The following DHRS7C variants were observed in gnomAD, a reference collection of about 807,000 sequenced individuals.
DHRS7C encodes the protein dehydrogenase/reductase 7C, also known as dehydrogenase/reductase SDR family member 7C.
DHRS7C carries 28 observed loss-of-function variants against 29.6 expected under a neutral mutation model. That is an observed-to-expected ratio of 0.95 (90% CI 0.70 to 1.30). The LOEUF is 1.30. Among genes scored for constraint, DHRS7C ranks in the 50% most tolerant of loss-of-function variants. The pLI is 0.00. For synonymous variants in DHRS7C, 158 were observed against 160.2 expected, an observed-to-expected ratio of 0.99 and a Z score of 0.10; for missense variants, 403 against 393.3, an observed-to-expected ratio of 1.02 and a Z score of -0.21.
intron 1 of DHRS7C, chr17:9,785,100 G>A (rs1462242007): frequency 1.3e-5 from 2 of 152,190 alleles, no homozygotes; most frequent in Non-Finnish European, 2.9e-5. Flanking sequence ...TAAGTTAGAT[G>A]CCAGTCCAAG....
intron 4 of DHRS7C, 49 bp from the exon 5 acceptor site, chr17:9,772,971 C>A: frequency 6.2e-7 from 1 of 1,600,428 alleles, no homozygotes; most frequent in Non-Finnish European, 8.5e-7. Context: ...CCCGGCCCTG[C>A]TTCCTGGTGG....
intron 1 of DHRS7C, among the ~76,000 whole-genome samples, chr17:9,789,614 A>G (rs1048751581): frequency 6.6e-6 from 1 of 152,160 alleles, no homozygotes; most frequent in African/African-American, 2.4e-5. Flanking sequence ...GCTGGTCCAC[A>G]AGGACCATTC....
intron 1 of DHRS7C, among the ~76,000 whole-genome samples, chr17:9,787,722 T>G (rs1375807155): frequency 2.0e-5 from 3 of 152,202 alleles, no homozygotes; most frequent in African/African-American, 7.2e-5. Context: ...TTTTAATTTT[T>G]TTGGGGACAG....
rs922904968 is a variant in DHRS7C, at chr17:9,774,935, G to C, written c.572-2013C>G. ...AAACTCTGTGCCCCTCAATTCCTCA[G>C]CTTCAGAGAAGCCAGACCATGACTG... On this transcript the variant is annotated intron_variant, in intron 4 of 5. Coordinates refer to ENST00000571134, the MANE Select transcript of DHRS7C (RefSeq NM_001105571.3). The surrounding 1 kb of genome is among the most constrained non-coding windows in gnomAD (Gnocchi z 5.0). Among the ~76,000 whole-genome samples the C allele has an allele frequency of 3.3e-5, 5 of 152,188 alleles. No individual in the cohort carries two copies. The highest frequency in any genetic ancestry group is 1.2e-4 in the African/African-American group (5 of 41,434).
intron 1 of DHRS7C, among the ~76,000 whole-genome samples, chr17:9,786,365 AATT>A (rs530485819): frequency 0.089 from 12,546 of 141,542 alleles, 714 homozygotes; most frequent in Non-Finnish European, 0.14. Flanking sequence ...TAATAATAAT[AATT>A]AATCAGAAAA....
At chr17:9,776,713 C>T (rs2066364465) in intron 4 of DHRS7C, among the ~76,000 whole-genome samples, 1 of 152,214 alleles carries the variant, frequency 6.6e-6, no homozygotes, top group African/African-American at 2.4e-5. Flanking sequence ...GAGCTGCCCC[C>T]ACCCTGAATT....
intron 4 of DHRS7C, among the ~76,000 whole-genome samples, chr17:9,773,618 A>G (rs1170638708): frequency 6.6e-6 from 1 of 151,490 alleles, no homozygotes; most frequent in Admixed American, 6.6e-5. Context: ...AGGTGGATGT[A>G]CTGTGGTTCC....
intron 2 of DHRS7C, among the ~76,000 whole-genome samples, chr17:9,781,270 C>T (rs1003464462): frequency 1.3e-5 from 2 of 152,174 alleles, no homozygotes; most frequent in South Asian, 2.1e-4. Flanking sequence ...GCTGTGGCTA[C>T]AGAACATGAT....
chr17:9,772,900 G>A lies in DHRS7C; in HGVS notation c.594C>T (p.Ala198=), dbSNP rs2066339813. 1.2e-6 allele frequency: 2 copies of A among 1,613,692 alleles called. No homozygotes were observed. Among genetic ancestry groups the A allele is most frequent in the African/African-American group, 2.7e-5 (2 of 74,884 alleles). Reference sequence around the variant, plus strand: ...CTCGGAGGCAGTCAAAGAAGCCCAGGGCTGCGTGCTTGGAGGCAGCGTCTG... The same window carrying A: ...CTCGGAGGCAGTCAAAGAAGCCCAGAGCTGCGTGCTTGGAGGCAGCGTCTG... The part of the protein sequence containing the change: ...RTTYAASKHA[A]LGFFDCLRAE... The change falls in exon 5 of 6, where the codon GCC becomes GCT. Residue 198 remains alanine, a synonymous_variant. Coordinates refer to ENST00000571134, the MANE Select transcript of DHRS7C (RefSeq NM_001105571.3).
chr17:9,772,643 C>CT, intron 5 of DHRS7C, 124 bp downstream of exon 5: 1 of 1,298,564 alleles, frequency 7.7e-7, no homozygotes, highest in Non-Finnish European at 1.0e-6. Flanking sequence ...GTTGCTGAGC[C>CT]TCCTCCACCC....
chr17:9,786,366 ATT>A (rs2066424010), intron 1 of DHRS7C, among the ~76,000 whole-genome samples: 1 of 118,822 alleles, frequency 8.4e-6, no homozygotes, highest in Non-Finnish European at 2.1e-5. Flanking sequence ...AATAATAATA[ATT>A]AATCAGAAAA....
intron 4 of DHRS7C, among the ~76,000 whole-genome samples, chr17:9,773,524 T>C (rs758180834): frequency 2.0e-5 from 3 of 152,118 alleles, no homozygotes; most frequent in Non-Finnish European, 4.4e-5. Context: ...TGCTTAGAGC[T>C]TTGGGAAGTT....
chr17:9,772,883 C>G lies in DHRS7C; in HGVS notation c.611G>C (p.Cys204Ser). The G allele has an allele frequency of 6.2e-7, 1 of 1,613,894 alleles. No individual in the cohort carries two copies. Among genetic ancestry groups the G allele is most frequent in the Non-Finnish European group, 8.5e-7 (1 of 1,179,882 alleles). Residue 204 changes from cysteine to serine, a missense_variant, in exon 5 of 6, where the codon TGC (cysteine) becomes TCC (serine). Coordinates refer to ENST00000571134, the MANE Select transcript of DHRS7C (RefSeq NM_001105571.3). The part of the protein sequence containing the change: ...SKHAALGFFD[C>S]LRAEVEEYDV... ...GTATTCCTCCACTTCGGCTCGGAGG[C>G]AGTCAAAGAAGCCCAGGGCTGCGTG...
At chr17:9,790,172 C>A (rs1360842569) in intron 1 of DHRS7C, among the ~76,000 whole-genome samples, 1 of 152,016 alleles carries the variant, frequency 6.6e-6, no homozygotes, top group African/African-American at 2.4e-5. Context: ...AAGTGCCCAG[C>A]CCCCCAGAGG....
In DHRS7C at chr17:9,791,296, G is replaced by A. The variant is rs541105527; in HGVS notation, c.-12C>T. The A allele has an allele frequency of 3.0e-5, 48 of 1,612,956 alleles. No individual in the cohort carries two copies. The highest frequency in any genetic ancestry group is 4.1e-5 in the Non-Finnish European group (48 of 1,179,578). On this transcript the variant is annotated 5_prime_UTR_variant, in exon 1 of 6. Coordinates refer to ENST00000571134, the MANE Select transcript of DHRS7C (RefSeq NM_001105571.3). Reference sequence around the variant, plus strand: ...GCCATGACTCCCATCTTGTTCTGGGGGACAACGGAGTAAAAGGGGATTGGC... The same window carrying A: ...GCCATGACTCCCATCTTGTTCTGGGAGACAACGGAGTAAAAGGGGATTGGC...
Position 9,781,557 on chromosome 17 carries a change from C to T in DHRS7C, c.192G>A (p.Leu64=), listed in dbSNP as rs1187932321. The T allele has an allele frequency of 1.6e-5, 26 of 1,613,856 alleles. No individual in the cohort carries two copies. The highest frequency in any genetic ancestry group is 2.2e-5 in the Non-Finnish European group (26 of 1,179,896). ...TCTCCCAGTTCTTTCCACACAGCAC[C>T]AGCCTTGCCCCACCTGTGTGGAACA... ...ARVFHTGGAR[L]VLCGKNWERL... The change falls in exon 2 of 6, where the codon CTG becomes CTA. Residue 64 remains leucine, a synonymous_variant. Coordinates refer to ENST00000571134, the MANE Select transcript of DHRS7C (RefSeq NM_001105571.3).
At chr17:9,779,685 G>A in intron 3 of DHRS7C, 140 bp downstream of exon 3, 1 of 800,882 alleles carries the variant, frequency 1.2e-6, no homozygotes, top group Non-Finnish European at 1.9e-6. Context: ...AATGGTGAAA[G>A]CTTTCACCCA....
intron 5 of DHRS7C, among the ~76,000 whole-genome samples, chr17:9,772,538 G>A (rs1357448900): frequency 1.3e-5 from 2 of 152,216 alleles, no homozygotes; most frequent in Non-Finnish European, 2.9e-5. Context: ...GAGTGGCTGA[G>A]CTTAGCGGGC....
chr17:9,789,987 G>A (rs1231329243), intron 1 of DHRS7C, among the ~76,000 whole-genome samples: 1 of 152,130 alleles, frequency 6.6e-6, no homozygotes, highest in Non-Finnish European at 1.5e-5. Flanking sequence ...TCTGCCTTAT[G>A]CTTTGTTTTT....
Sources: gnomAD v4.1 joint callset for allele counts (sites outside exome capture counted in the v4.1 genomes callset) on GRCh38, gnomAD v4.1.1 for gene constraint, Gnocchi (gnomAD v3.1) non-coding constraint, MANE v1.5 for transcripts, NCBI Gene and HGNC (gene_info 2026-07-23, HGNC 2026-07-21) for gene names.